PTPRD: variants seen among roughly 807,000 people sequenced by gnomAD.
The protein encoded by PTPRD is protein tyrosine phosphatase receptor type D.
A neutral mutation model predicts 214.5 loss-of-function variants in PTPRD; 34 were observed. The observed-to-expected ratio is 0.16, with a 90% CI of 0.12 to 0.21. PTPRD has a LOEUF of 0.21. Among genes scored for constraint, PTPRD ranks in the 10% least tolerant of loss-of-function variants. The pLI, the probability that PTPRD is intolerant of heterozygous loss-of-function variation, is 1.00. For missense variants in PTPRD, 2,545 were observed against 2,398.7 expected, an observed-to-expected ratio of 1.06 and a Z score of -1.27; for synonymous variants, 1,128 against 845.7, an observed-to-expected ratio of 1.33 and a Z score of -5.79.
intron 11 of PTPRD, among the ~76,000 whole-genome samples, chr9:8,922,931 G>C (rs1396274631): frequency 6.6e-6 from 1 of 151,552 alleles, no homozygotes; most frequent in Non-Finnish European, 1.5e-5. Context: ...CCTAAGTGTT[G>C]GGATTACAGT....
At chr9:9,186,932 T>C (rs760312512) in intron 9 of PTPRD, among the ~76,000 whole-genome samples, 6 of 151,808 alleles carry the variant, frequency 4.0e-5, no homozygotes, top group Non-Finnish European at 7.4e-5. Flanking sequence ...ATATTTACTA[T>C]ATGGTATCCC....
intron 21 of PTPRD, among the ~76,000 whole-genome samples, chr9:8,507,981 G>A (rs1392357123): frequency 1.3e-5 from 2 of 151,942 alleles, no homozygotes; most frequent in African/African-American, 2.4e-5. Context: ...TTGAAGAAGA[G>A]GTGTAAGAAA....
chr9:9,115,330 A>T (rs2099811341), intron 10 of PTPRD, among the ~76,000 whole-genome samples: 1 of 152,184 alleles, frequency 6.6e-6, no homozygotes, highest in Non-Finnish European at 1.5e-5. Context: ...ACATGAACAG[A>T]CATTTCTCAA....
intron 8 of PTPRD, among the ~76,000 whole-genome samples, chr9:9,572,697 A>G (rs2086903167): frequency 6.7e-6 from 1 of 150,314 alleles, no homozygotes; most frequent in Non-Finnish European, 1.5e-5. Flanking sequence ...GTATGTATAA[A>G]CATAACCTAA....
chr9:10,595,644 A>G (rs2076456401), intron 2 of PTPRD, among the ~76,000 whole-genome samples: 1 of 151,368 alleles, frequency 6.6e-6, no homozygotes, highest in Admixed American at 6.6e-5. Flanking sequence ...ATTGATTCAC[A>G]ATTATTATTA....
At chr9:10,016,851 G>C (rs955896545) in intron 4 of PTPRD, among the ~76,000 whole-genome samples, 1 of 152,042 alleles carries the variant, frequency 6.6e-6, no homozygotes, top group African/African-American at 2.4e-5. Context: ...TTTTTGTAGA[G>C]ACAGGGTCTC....
rs572117141 is a variant in PTPRD at position 9,484,925 on chromosome 9, A to G, written c.-236-87443T>C. Among the ~76,000 whole-genome samples the G allele has an allele frequency of 9.1e-4, 139 of 152,326 alleles. 2 individuals are homozygous for G. The highest frequency in any genetic ancestry group is 1.9e-3 in the African/African-American group (79 of 41,578). Reference sequence around the variant, plus strand: ...AATGAGTTATTAGAAGCATCAATGCATTGGAAATTGAAAGCAAAAACTATC... The same window carrying G: ...AATGAGTTATTAGAAGCATCAATGCGTTGGAAATTGAAAGCAAAAACTATC... On this transcript the variant is annotated intron_variant, in intron 8 of 45. Coordinates refer to ENST00000381196, the MANE Select transcript of PTPRD (RefSeq NM_002839.4).
chr9:9,012,763 T>A (rs1349852918), intron 11 of PTPRD, among the ~76,000 whole-genome samples: 1 of 152,172 alleles, frequency 6.6e-6, no homozygotes, highest in Non-Finnish European at 1.5e-5. Context: ...GAAATTGCTA[T>A]TTTCTGCCAT....
intron 5 of PTPRD, among the ~76,000 whole-genome samples, chr9:9,878,923 T>C (rs2067733607): frequency 6.6e-6 from 1 of 152,202 alleles, no homozygotes; most frequent in Non-Finnish European, 1.5e-5. Context: ...CAGTCTGGAC[T>C]TTATTATAGG....
rs983260767 is a variant in PTPRD, at chr9:8,319,716, T to C, written c.5670+115A>G. ...TGAGGTTCAAAATTATTAAACAGTT[T>C]GATGCTTTCCCCACAGTATTTTGTG... is the stretch of plus-strand genomic sequence containing the variant. On this transcript the variant is annotated intron_variant, in intron 45 of 45. Coordinates refer to ENST00000381196, the MANE Select transcript of PTPRD (RefSeq NM_002839.4). The C allele has an allele frequency of 3.8e-6, 5 of 1,303,722 alleles. No individual in the cohort carries two copies. The South Asian group carries it at 5.3e-5, about 14-fold the overall frequency. 80.8% of individuals were successfully genotyped at this position (1,303,722 alleles called of 1,614,324 possible).
At chr9:8,459,228 T>G (rs555115877) in intron 33 of PTPRD, among the ~76,000 whole-genome samples, 1 of 152,138 alleles carries the variant, frequency 6.6e-6, no homozygotes, top group East Asian at 1.9e-4. Flanking sequence ...ATGAGATTAT[T>G]AGATTAAGCA....
intron 3 of PTPRD, among the ~76,000 whole-genome samples, chr9:10,045,701 CTTAT>C (rs2097375655): frequency 6.6e-6 from 1 of 151,636 alleles, no homozygotes; most frequent in Non-Finnish European, 1.5e-5. Context: ...AAATATATAG[CTTAT>C]TTGATATAAT....
chr9:9,165,738 G>T (rs2099902146), intron 10 of PTPRD, among the ~76,000 whole-genome samples: 1 of 152,122 alleles, frequency 6.6e-6, no homozygotes, highest in South Asian at 2.1e-4. Flanking sequence ...AGATAAGTTA[G>T]AAGTCAATAA....
chr9:8,339,651 CT>C (rs1213280314), intron 42 of PTPRD, among the ~76,000 whole-genome samples: 8 of 152,038 alleles, frequency 5.3e-5, no homozygotes, highest in Non-Finnish European at 1.2e-4. Flanking sequence ...ACAAGTTGGG[CT>C]TTAGCTGCAC....
In PTPRD at chr9:9,495,170, A is replaced by T. The variant is rs1441611825; in HGVS notation, c.-237+79562T>A. 1.3e-5 allele frequency among the ~76,000 whole-genome samples: 2 copies of T among 152,064 alleles called. 1 individual carries two copies. Among genetic ancestry groups the T allele is most frequent in the South Asian group, 4.2e-4 (2 of 4,818 alleles). On this transcript the variant is annotated intron_variant, in intron 8 of 45. Transcript: ENST00000381196. ...CATTATACACATAACTTACCTCAAA[A>T]TGGGTCTAAATGTCAGACCTAAATC...
chr9:8,417,886 C>A (rs1452839405), intron 35 of PTPRD, among the ~76,000 whole-genome samples: 1 of 152,140 alleles, frequency 6.6e-6, no homozygotes, highest in Non-Finnish European at 1.5e-5. Context: ...AATGAAATTT[C>A]AAAAACTAGC....
At chr9:9,258,815 C>G (rs2099978878) in intron 9 of PTPRD, among the ~76,000 whole-genome samples, 1 of 151,808 alleles carries the variant, frequency 6.6e-6, no homozygotes, top group Non-Finnish European at 1.5e-5. Context: ...GAGAGGTAAG[C>G]ATATTTGAAC....
chr9:8,487,871 C>G (rs138348377), intron 27 of PTPRD, among the ~76,000 whole-genome samples: 1 of 150,738 alleles, frequency 6.6e-6, no homozygotes, highest in Non-Finnish European at 1.5e-5. Context: ...CTTATCTCTA[C>G]GGGGGGAGGG....
At chr9:8,897,561 T>C (rs2098629977) in intron 11 of PTPRD, among the ~76,000 whole-genome samples, 1 of 152,182 alleles carries the variant, frequency 6.6e-6, no homozygotes, top group African/African-American at 2.4e-5. Context: ...GCCTTCGCCA[T>C]GAGCTGTCTG....
Sources: allele counts gnomAD v4.1 joint callset (sites outside exome capture counted in the v4.1 genomes callset), GRCh38; gene constraint gnomAD v4.1.1; transcripts MANE v1.5; gene names NCBI Gene and HGNC (gene_info 2026-07-23, HGNC 2026-07-21).